Variants in MEDAG observed in about 807,000 individuals in gnomAD.
The protein encoded by MEDAG is mesenteric estrogen dependent adipogenesis, also known as mesenteric estrogen-dependent adipogenesis protein.
MEDAG carries 25 observed loss-of-function variants against 29.9 expected under a neutral mutation model. The ratio of observed to expected loss-of-function variants is 0.84; its 90% CI spans 0.61 to 1.17. The LOEUF is 1.17. Ranked by LOEUF, MEDAG falls within the 50% of genes most tolerant of loss-of-function variation. The pLI is 0.00. For synonymous variants in MEDAG, 158 were observed against 148.2 expected (o/e 1.07, Z -0.48); for missense variants, 398 against 372.9 (o/e 1.07, Z -0.56).
At chr13:30,914,485 C>G (rs1158202378) in intron 1 of MEDAG, among the ~76,000 whole-genome samples, 3 of 152,178 alleles carry the variant, frequency 2.0e-5, no homozygotes, top group Non-Finnish European at 4.4e-5. Flanking sequence ...AATTCAAGTA[C>G]CCCTGAATCA....
chr13:30,923,994 T>G (rs1458210527), intron 4 of MEDAG, among the ~76,000 whole-genome samples: 2 of 149,804 alleles, frequency 1.3e-5, no homozygotes, highest in Non-Finnish European at 3.0e-5. Context: ...GGTGCTAACC[T>G]GGGCCCATTC....
intron 2 of MEDAG, among the ~76,000 whole-genome samples, chr13:30,917,972 G>A (rs181050645): frequency 7.2e-5 from 11 of 152,164 alleles, no homozygotes; most frequent in Non-Finnish European, 1.5e-4. Flanking sequence ...CTGATGAGCA[G>A]GGCAGAAATC....
chr13:30,906,836 C>T, intron 1 of MEDAG, 43 bp downstream of exon 1: 1 of 1,418,856 alleles, frequency 7.0e-7, no homozygotes, highest in Non-Finnish European at 9.1e-7. Flanking sequence ...GCCTGGTACC[C>T]GCAGACGCCT....
rs1173712726 is a variant in MEDAG at position 30,924,346 on chromosome 13, C to A, written c.823C>A (p.Pro275Thr). 1 of 1,613,842 alleles carries A rather than the reference C, an allele frequency of 6.2e-7. No homozygotes were observed. Among genetic ancestry groups the A allele is most frequent in the East Asian group, 2.2e-5 (1 of 44,878 alleles). Residue 275 changes from proline (P) to threonine (T), a missense_variant, in exon 5 of 5, where the codon CCC becomes ACC. Physicochemically the swap from Pro to Thr is conservative, Grantham distance 38. Transcript: ENST00000380482. ...IDDVFNCNLS[P>T]RSSLTEPLLA... ...TGATGTTTTTAACTGCAATCTGTCA[C>A]CCAGATCATCTCTGACAGAGCCTCT...
At chr13:30,921,275 G>C in intron 3 of MEDAG, 149 bp downstream of exon 3, 1 of 696,652 alleles carries the variant, frequency 1.4e-6, no homozygotes, top group South Asian at 2.1e-5. Context: ...TGTTCTCAAA[G>C]GTGGCATTAT....
rs1350974786 is a variant in MEDAG at position 30,925,516 on chromosome 13, T to G, written c.*1081T>G. 6.6e-6 allele frequency: 1 copy of G among 152,232 alleles called. No homozygotes were observed. Among genetic ancestry groups the G allele is most frequent in the Non-Finnish European group, 1.5e-5 (1 of 68,038 alleles). The allele number at this position is 152,232 out of a possible 1,614,324, so 9.4% of individuals were successfully genotyped here. A position where few individuals can be genotyped will look rare whatever the true frequency, so the allele number is the denominator to read the frequency against. On this transcript the variant is annotated 3_prime_UTR_variant, in exon 5 of 5. Transcript: ENST00000380482. The stretch of plus-strand genomic sequence containing the variant: ...AATGTTATGTACCACATTTGCACAA[T>G]TAAAACTTTTCTTAGCATTCAACCT...
chr13:30,917,316 C>A, intron 1 of MEDAG, 87 bp from the exon 2 acceptor site: 1 of 805,762 alleles, frequency 1.2e-6, no homozygotes, highest in Non-Finnish European at 2.2e-6. Flanking sequence ...AGGTCTGTGG[C>A]TGTGGCAGAT....
At chr13:30,907,479 C>T (rs987459169) in intron 1 of MEDAG, among the ~76,000 whole-genome samples, 6 of 152,206 alleles carry the variant, frequency 3.9e-5, no homozygotes, top group African/African-American at 1.2e-4. Flanking sequence ...CCCCAGGATG[C>T]TTGACTGTTG....
chr13:30,924,653 G>C lies in MEDAG; in HGVS notation c.*218G>C, dbSNP rs980710272. 1 of 424,398 alleles carries C rather than the reference G, an allele frequency of 2.4e-6. No homozygotes were observed. Among genetic ancestry groups the C allele is most frequent in the South Asian group, 5.6e-5 (1 of 18,004 alleles). The allele number at this position is 424,398 out of a possible 1,614,324, so 26.3% of individuals were successfully genotyped here. The stretch of plus-strand genomic sequence containing the variant: ...TTCCCCTAAAACTTATGATTACCAG[G>C]ATGGAAAGGCCTTGGTCCCATGGCA... On this transcript the variant is annotated 3_prime_UTR_variant, in exon 5 of 5. Transcript: ENST00000380482.
Position 30,921,841 on chromosome 13 carries a change from C to G in MEDAG, c.782C>G (p.Ser261Cys), listed in dbSNP as rs1593511644. 6.3e-7 allele frequency: 1 copy of G among 1,593,154 alleles called. No homozygotes were observed. Among genetic ancestry groups the G allele is most frequent in the Non-Finnish European group, 8.5e-7 (1 of 1,172,594 alleles). Residue 261 changes from serine to cysteine, a missense_variant, in exon 4 of 5, where the codon TCC (serine) becomes TGC (cysteine). By Grantham distance (112) the Ser-to-Cys change is moderately radical (BLOSUM62 -1). Coordinates refer to ENST00000380482, the MANE Select transcript of MEDAG (RefSeq NM_032849.4). ...SFSDRKFSVTSRGSIDDVFNC... is the reference protein window; with the variant it reads ...SFSDRKFSVTCRGSIDDVFNC... ...TCTGACCGAAAGTTCAGTGTAACTTCCAGAGGTATGTTAAAAATTCCGAAG... is the reference window on the plus strand; with the variant it reads ...TCTGACCGAAAGTTCAGTGTAACTTGCAGAGGTATGTTAAAAATTCCGAAG...
At chr13:30,924,256 G>GTTTTT in intron 4 of MEDAG, 55 bp from the exon 5 acceptor site, 2 of 1,488,386 alleles carry the variant, frequency 1.3e-6, no homozygotes, top group Non-Finnish European at 1.8e-6. Flanking sequence ...GGCACTGTTG[G>GTTTTT]TTTTTTTTTC....
At chr13:30,915,767 T>C (rs867722417) in intron 1 of MEDAG, among the ~76,000 whole-genome samples, 3 of 152,114 alleles carry the variant, frequency 2.0e-5, no homozygotes, top group Middle Eastern at 3.4e-3. Flanking sequence ...AAGCCATGTG[T>C]GGGTCTGCAT....
chr13:30,917,403 G>T lies in MEDAG; in HGVS notation c.279G>T (p.Arg93Ser). The change falls in exon 2 of 5, where the codon AGG (arginine) becomes AGT (serine). Residue 93 changes from arginine (R) to serine (S), a missense_variant and splice_region_variant. By Grantham distance (110) the Arg-to-Ser change is moderately radical (BLOSUM62 -1). Coordinates refer to ENST00000380482, the MANE Select transcript of MEDAG (RefSeq NM_032849.4). ...QLYRLSSYIK[R>S]YVELTNYCDY... is the part of the protein sequence containing the mutation. The stretch of plus-strand genomic sequence containing the variant: ...TGCAATGATCTCTGCTTCTTCATAG[G>T]TATGTGGAACTGACCAACTACTGTG... 6.6e-7 allele frequency: 1 copy of T among 1,522,394 alleles called. No homozygotes were observed. The highest frequency in any genetic ancestry group is 9.1e-7 in the Non-Finnish European group (1 of 1,096,694). The allele number at this position is 1,522,394 out of a possible 1,614,324, so 94.3% of individuals were successfully genotyped here. A position where few individuals can be genotyped will look rare whatever the true frequency, so the allele number is the denominator to read the frequency against.
At chr13:30,921,519 CT>C (rs773539240) in intron 3 of MEDAG, 41 bp from the exon 4 acceptor site, 2 of 1,544,952 alleles carry the variant, frequency 1.3e-6, no homozygotes, top group Non-Finnish European at 1.7e-6. Context: ...CAACAGGATA[CT>C]TATGTCCATT....
intron 2 of MEDAG, among the ~76,000 whole-genome samples, chr13:30,918,521 A>G (rs912219317): frequency 9.2e-5 from 14 of 152,250 alleles, no homozygotes; most frequent in Non-Finnish European, 1.6e-4. Flanking sequence ...CTTCCAAGAA[A>G]TCAGATTAGC....
Position 30,924,303 on chromosome 13 carries a change from T to G in MEDAG, c.788-8T>G, listed in dbSNP as rs1226818410. 1 of 1,609,850 alleles carries G rather than the reference T, an allele frequency of 6.2e-7. No individual in the cohort carries two copies. Among genetic ancestry groups the G allele is most frequent in the Non-Finnish European group, 8.5e-7 (1 of 1,177,940 alleles). Reference sequence around the variant, plus strand: ...GTAATAATGCATGCTTTGTTTACTGTTTTTTAGGTTCAATAGATGATGTTT... The same window carrying G: ...GTAATAATGCATGCTTTGTTTACTGGTTTTTAGGTTCAATAGATGATGTTT... On this transcript the variant is annotated splice_region_variant and splice_polypyrimidine_tract_variant and intron_variant, in intron 4 of 4. Coordinates refer to ENST00000380482, the MANE Select transcript of MEDAG (RefSeq NM_032849.4).
In MEDAG at chr13:30,906,276, C is replaced by G; in HGVS notation, c.-240C>G. On this transcript the variant is annotated 5_prime_UTR_variant, in exon 1 of 5. Coordinates refer to ENST00000380482, the MANE Select transcript of MEDAG (RefSeq NM_032849.4). ...GGCCGCGCTGCGCCGGGGCCGCTTTCTCCGCGCGGTGCCTGCAGGGCTCCC... is the reference window on the plus strand; with the variant it reads ...GGCCGCGCTGCGCCGGGGCCGCTTTGTCCGCGCGGTGCCTGCAGGGCTCCC... The G allele has an allele frequency of 2.6e-6, 1 of 387,428 alleles. No homozygotes were observed. The highest frequency in any genetic ancestry group is 4.5e-6 in the Non-Finnish European group (1 of 220,594). 24.0% of individuals were successfully genotyped at this position (387,428 alleles called of 1,614,324 possible). A position where few individuals can be genotyped will look rare whatever the true frequency, so the allele number is the denominator to read the frequency against.
chr13:30,918,289 C>T (rs570933259), intron 2 of MEDAG, among the ~76,000 whole-genome samples: 3 of 152,242 alleles, frequency 2.0e-5, no homozygotes, highest in South Asian at 4.1e-4. Flanking sequence ...CAATTCAGGA[C>T]GTTATGAACA....
intron 1 of MEDAG, among the ~76,000 whole-genome samples, chr13:30,907,096 C>A (rs768083286): frequency 3.3e-5 from 5 of 152,226 alleles, no homozygotes; most frequent in Non-Finnish European, 7.3e-5. Context: ...GTGGCAGATG[C>A]TTCTCCCATT....
Sources: gnomAD v4.1 joint callset for allele counts (sites outside exome capture counted in the v4.1 genomes callset) on GRCh38, gnomAD v4.1.1 for gene constraint, MANE v1.5 for transcripts, NCBI Gene and HGNC (gene_info 2026-07-23, HGNC 2026-07-21) for gene names.